The following ZC3H12B variants were observed in gnomAD, a reference collection of about 807,000 sequenced individuals.
ZC3H12B encodes the protein zinc finger CCCH-type containing 12B.
In ZC3H12B, 7 loss-of-function variants were observed where a neutral mutation model predicts 43.9. That is an observed-to-expected ratio of 0.16 (90% confidence interval 0.09 to 0.30). The LOEUF is 0.30. Among genes scored for constraint, ZC3H12B ranks in the 10% least tolerant of loss-of-function variants. The pLI, the probability that ZC3H12B is intolerant of heterozygous loss-of-function variation, is 1.00. For missense variants in ZC3H12B, 475 were observed against 670.2 expected (o/e 0.71, Z 3.22); for synonymous variants, 222 against 241.7 (o/e 0.92, Z 0.76).
chrX:65,502,459 G>T lies in ZC3H12B; in HGVS notation c.1761G>T (p.Val587=). The T allele has an allele frequency of 3.3e-6, 4 of 1,211,008 alleles. No homozygotes were observed. In the African/African-American group the frequency reaches 5.2e-5, roughly 16 times the overall value. The change falls in exon 5 of 5, where the codon GTG becomes GTT. Residue 587 remains valine (V), a synonymous_variant. Transcript: ENST00000338957. The stretch of plus-strand genomic sequence containing the variant: ...CTAACCTCTGTTCTGACAGCCGTGT[G>T]AGCCATACCAGGAATGACAACTATT...
At chrX:65,305,483 G>A in the ZC3H12B span, among the ~76,000 whole-genome samples, 2 of 111,871 alleles carry the variant, frequency 1.8e-5, no homozygotes, top group African/African-American at 6.5e-5. Flanking sequence ...CCTTGGGATC[G>A]TTAGTTATTT....
At chrX:65,321,740 C>T in the ZC3H12B span, among the ~76,000 whole-genome samples, 1 of 109,505 alleles carries the variant, frequency 9.1e-6, no homozygotes, top group South Asian at 3.9e-4. Context: ...ATGTCCTTTG[C>T]AGGGACATGG....
At chrX:65,249,049 CTG>C in the ZC3H12B span, among the ~76,000 whole-genome samples, 8 of 111,554 alleles carry the variant, frequency 7.2e-5, no homozygotes, top group Admixed American at 3.8e-4. Context: ...ACTCTGCTGA[CTG>C]TTCCTTTTGC....
chrX:65,500,878 T>C (rs2068357718), intron 4 of ZC3H12B, among the ~76,000 whole-genome samples: 1 of 111,795 alleles, frequency 8.9e-6, no homozygotes, highest in African/African-American at 3.2e-5. Flanking sequence ...TGTCTGTTTT[T>C]TTGGATGATC....
chrX:65,214,382 C>T, the ZC3H12B span, among the ~76,000 whole-genome samples: 1 of 111,980 alleles, frequency 8.9e-6, no homozygotes, highest in Admixed American at 9.6e-5. Context: ...TTTGCTGCTT[C>T]TTTATGAACT....
chrX:65,176,055 G>A, the ZC3H12B span, among the ~76,000 whole-genome samples: 1 of 111,655 alleles, frequency 9.0e-6, no homozygotes, highest in African/African-American at 3.3e-5. Flanking sequence ...TCACTACCCT[G>A]GAAAGGAGGC....
At chrX:65,134,189 C>G in the ZC3H12B span, among the ~76,000 whole-genome samples, 7 of 110,610 alleles carry the variant, frequency 6.3e-5, no homozygotes, top group Middle Eastern at 4.7e-3. Flanking sequence ...GGTAGAGACA[C>G]AGAGAAGAGG....
chrX:65,340,683 G>A, the ZC3H12B span, among the ~76,000 whole-genome samples: 1 of 111,702 alleles, frequency 9.0e-6, no homozygotes, highest in African/African-American at 3.3e-5. Context: ...TCACCAATTA[G>A]GATAAAAGAA....
At chrX:65,330,230 C>A in the ZC3H12B span, among the ~76,000 whole-genome samples, 2 of 111,440 alleles carry the variant, frequency 1.8e-5, no homozygotes, top group East Asian at 5.6e-4. Flanking sequence ...TATAAGAATG[C>A]TTGTGATTTT....
chrX:65,308,570 A>G, the ZC3H12B span, among the ~76,000 whole-genome samples: 1 of 111,538 alleles, frequency 9.0e-6, no homozygotes, highest in Non-Finnish European at 1.9e-5. Flanking sequence ...TCAGTATGAG[A>G]CAGATCAATG....
chrX:65,084,734 C>T, the ZC3H12B span, among the ~76,000 whole-genome samples: 1 of 112,507 alleles, frequency 8.9e-6, no homozygotes, highest in South Asian at 3.6e-4. Context: ...AGCTACTATG[C>T]GATCCAGCAG....
intron 2 of ZC3H12B, among the ~76,000 whole-genome samples, chrX:65,375,598 A>G (rs2066335776): frequency 8.9e-6 from 1 of 111,755 alleles, no homozygotes; most frequent in Admixed American, 9.5e-5. Flanking sequence ...CTTGAATACC[A>G]GCTCAGCCAC....
At chrX:65,234,589 A>G in the ZC3H12B span, among the ~76,000 whole-genome samples, 10 of 112,302 alleles carry the variant, frequency 8.9e-5, no homozygotes, top group Non-Finnish European at 1.7e-4. Flanking sequence ...TTCAGATAGT[A>G]TGATTTCATA....
the ZC3H12B span, among the ~76,000 whole-genome samples, chrX:65,260,719 TCTC>T: frequency 9.0e-6 from 1 of 111,719 alleles, no homozygotes; most frequent in Non-Finnish European, 1.9e-5. Flanking sequence ...TAAAATTTCT[TCTC>T]CTTAAATCCT....
chrX:65,279,298 ATTT>A, the ZC3H12B span, among the ~76,000 whole-genome samples: 4 of 79,238 alleles, frequency 5.0e-5, no homozygotes, highest in Admixed American at 2.7e-4. Context: ...CCTTACCAGC[ATTT>A]TTTTTTTTTT....
At chrX:65,454,491 C>A (rs1319105415) in intron 3 of ZC3H12B, among the ~76,000 whole-genome samples, 4 of 112,144 alleles carry the variant, frequency 3.6e-5, no homozygotes, top group African/African-American at 1.3e-4. Context: ...GAAGCGTGAA[C>A]TGGGTGGAGC....
At chrX:65,465,972 C>T (rs1485217619) in intron 3 of ZC3H12B, among the ~76,000 whole-genome samples, 1 of 110,121 alleles carries the variant, frequency 9.1e-6, no homozygotes. Context: ...TTAGCATATC[C>T]ATCACCTCAC....
intron 2 of ZC3H12B, among the ~76,000 whole-genome samples, chrX:65,389,244 CAG>C (rs1318819812): frequency 8.9e-6 from 1 of 112,417 alleles, no homozygotes; most frequent in East Asian, 2.8e-4. Flanking sequence ...GTGGAGTCTA[CAG>C]AGTCAGGCAG....
chrX:65,460,860 G>A (rs746349069), intron 3 of ZC3H12B, among the ~76,000 whole-genome samples: 1 of 111,375 alleles, frequency 9.0e-6, no homozygotes, highest in South Asian at 3.8e-4. Flanking sequence ...TTGATAAATG[G>A]GATCTAATTA....
Sources: gnomAD v4.1 joint callset for allele counts (sites outside exome capture counted in the v4.1 genomes callset) on GRCh38, gnomAD v4.1.1 for gene constraint, MANE v1.5 for transcripts, NCBI Gene and HGNC (gene_info 2026-07-23, HGNC 2026-07-21) for gene names.